The following RELN variants were observed in gnomAD, a reference collection of about 807,000 sequenced individuals.
RELN encodes the protein reelin.
In RELN, 108 loss-of-function variants were observed where a neutral mutation model predicts 427.6. The observed-to-expected ratio is 0.25, with a 90% CI of 0.22 to 0.30. RELN has a LOEUF of 0.30. Ranked by LOEUF, RELN falls within the 10% of genes least tolerant of loss-of-function variation. The probability of loss-of-function intolerance (pLI) is 1.00; values close to 1 mark genes in which losing one functional copy is unlikely to be tolerated. For synonymous variants in RELN, 1,524 were observed against 1,513.4 expected, an observed-to-expected ratio of 1.01 and a Z score of -0.16; for missense variants, 3,715 against 4,302.8, an observed-to-expected ratio of 0.86 and a Z score of 3.82.
chr7:103,595,911 C>G (rs1292886781), intron 25 of RELN, among the ~76,000 whole-genome samples: 2 of 152,112 alleles, frequency 1.3e-5, no homozygotes, highest in Non-Finnish European at 2.9e-5. Context: ...AACTCTTCAA[C>G]AGTCATTGCC....
intron 20 of RELN, among the ~76,000 whole-genome samples, chr7:103,619,081 C>T (rs1187346839): frequency 6.6e-6 from 1 of 151,756 alleles, no homozygotes; most frequent in Non-Finnish European, 1.5e-5. Flanking sequence ...TGCACTCCAG[C>T]CTGGGCGACA....
At position 103,896,340 on chromosome 7, in the gene RELN, A is replaced by T. The variant is rs76374375; in HGVS notation, c.337+20735T>A. Among the ~76,000 whole-genome samples, 8 of 152,228 alleles carry T rather than the reference A, an allele frequency of 5.3e-5. No homozygotes were observed. The East Asian group carries it at 1.5e-3, about 29-fold the overall frequency. Reference sequence around the variant, plus strand: ...CCAATAAAAGTGAAAATACATATTCACAAAGAGACTTGTACAAGAATGTTC... The same window carrying T: ...CCAATAAAAGTGAAAATACATATTCTCAAAGAGACTTGTACAAGAATGTTC... On this transcript the variant is annotated intron_variant, in intron 2 of 64. Coordinates refer to ENST00000428762, the MANE Select transcript of RELN (RefSeq NM_005045.4).
chr7:103,830,731 CT>C (rs1330553094), intron 3 of RELN, among the ~76,000 whole-genome samples: 15 of 151,998 alleles, frequency 9.9e-5, no homozygotes, highest in African/African-American at 3.6e-4. Context: ...CCCATGTTCA[CT>C]TTTAACTTCT....
At chr7:103,758,074 G>A (rs1791206653) in intron 4 of RELN, among the ~76,000 whole-genome samples, 1 of 152,160 alleles carries the variant, frequency 6.6e-6, no homozygotes. Flanking sequence ...TCTGTTAAGA[G>A]TTCCCTGTTA....
chr7:103,561,797 A>G lies in RELN; in HGVS notation c.5351+16T>C, dbSNP rs375210307. ...TTGCGTTACAAAGAAAGAAACTGTC[A>G]GTTTTATTAACTTACACACAGCGTC... On this transcript the variant is annotated intron_variant, in intron 35 of 64. Coordinates refer to ENST00000428762, the MANE Select transcript of RELN (RefSeq NM_005045.4). The G allele has an allele frequency of 1.1e-4, 175 of 1,613,844 alleles. 1 individual carries two copies. Among genetic ancestry groups the G allele is most frequent in the Non-Finnish European group, 1.4e-4 (167 of 1,179,948 alleles).
chr7:103,801,841 G>A (rs1792476997), intron 3 of RELN, among the ~76,000 whole-genome samples: 1 of 152,160 alleles, frequency 6.6e-6, no homozygotes, highest in African/African-American at 2.4e-5. Context: ...CTGGCACATA[G>A]TAAGTTCTCA....
At chr7:103,835,477 T>C (rs1475660572) in intron 2 of RELN, among the ~76,000 whole-genome samples, 1 of 152,178 alleles carries the variant, frequency 6.6e-6, no homozygotes, top group Admixed American at 6.5e-5. Context: ...TGTAGGTTCA[T>C]TGATTGTACC....
chr7:103,914,126 T>C (rs909823680), intron 2 of RELN, among the ~76,000 whole-genome samples: 1 of 152,208 alleles, frequency 6.6e-6, no homozygotes, highest in African/African-American at 2.4e-5. Flanking sequence ...AAAGTTACCA[T>C]AGGAAATGTC....
At chr7:103,799,936 A>C (rs207468350) in intron 3 of RELN, among the ~76,000 whole-genome samples, 2 of 152,196 alleles carry the variant, frequency 1.3e-5, no homozygotes, top group Non-Finnish European at 2.9e-5. Flanking sequence ...TTATCTCAAT[A>C]GATGCAGAAA....
At chr7:103,494,526 C>A (rs1003888195) in intron 57 of RELN, among the ~76,000 whole-genome samples, 1 of 143,712 alleles carries the variant, frequency 7.0e-6, no homozygotes, top group Non-Finnish European at 1.5e-5. Context: ...AAGTACATGC[C>A]ACCACGCCCA....
At chr7:103,737,840 G>C (rs13239238) in intron 6 of RELN, among the ~76,000 whole-genome samples, 41 of 151,906 alleles carry the variant, frequency 2.7e-4, no homozygotes, top group East Asian at 5.8e-4. Flanking sequence ...CCAATGCAAT[G>C]CCAATCATGG....
At chr7:103,825,440 AT>A (rs1793113786) in intron 3 of RELN, among the ~76,000 whole-genome samples, 1 of 152,198 alleles carries the variant, frequency 6.6e-6, no homozygotes, top group Non-Finnish European at 1.5e-5. Flanking sequence ...GCACTGGCAA[AT>A]AAAACTAAAA....
intron 3 of RELN, among the ~76,000 whole-genome samples, chr7:103,806,319 C>A (rs1792598101): frequency 6.6e-6 from 1 of 151,760 alleles, no homozygotes; most frequent in Non-Finnish European, 1.5e-5. Context: ...CCTCTAAGCA[C>A]TTTCTTTCTT....
chr7:103,759,990 C>CTTTTTTTTTTTTTTTTTTTTTTTTT (rs57019839), intron 4 of RELN, among the ~76,000 whole-genome samples: 1 of 64,914 alleles, frequency 1.5e-5, no homozygotes, highest in Non-Finnish European at 2.9e-5. Context: ...CACAGTCATA[C>CTTTTTTTTTTTTTTTTTTTTTTTTT]TTTTTTTTTT....
intron 64 of RELN, among the ~76,000 whole-genome samples, chr7:103,475,759 C>T (rs1395297911): frequency 3.3e-5 from 5 of 152,146 alleles, no homozygotes; most frequent in African/African-American, 1.2e-4. Flanking sequence ...TGAAAGTCTC[C>T]ATCTTTATAG....
intron 3 of RELN, among the ~76,000 whole-genome samples, chr7:103,821,880 A>C (rs1487518083): frequency 1.3e-5 from 2 of 152,184 alleles, no homozygotes. Flanking sequence ...GAATATGCTC[A>C]TGCTATTCAT....
chr7:103,665,240 C>T lies in RELN; in HGVS notation c.1290-3713G>A, dbSNP rs549800800. On this transcript the variant is annotated intron_variant, in intron 11 of 64. Transcript: ENST00000428762. ...CTGTCACATAACAATCCCCTATAAA[C>T]GTGAGTCTGTTTCTACAATTAACTT... Among the ~76,000 whole-genome samples, 102 of 152,124 alleles carry T rather than the reference C, an allele frequency of 6.7e-4. No homozygotes were observed. The South Asian group carries it at 0.016, about 23-fold the overall frequency.
chr7:103,595,273 T>C (rs1395044243), intron 25 of RELN, among the ~76,000 whole-genome samples: 2 of 152,308 alleles, frequency 1.3e-5, no homozygotes, highest in East Asian at 3.9e-4. Flanking sequence ...TTAAGCCAGT[T>C]TGGCACCATT....
At chr7:103,883,636 A>G (rs1186089016) in intron 2 of RELN, among the ~76,000 whole-genome samples, 1 of 152,210 alleles carries the variant, frequency 6.6e-6, no homozygotes, top group Non-Finnish European at 1.5e-5. Flanking sequence ...CTAAACACCA[A>G]TAAAAGACAA....
Sources: gnomAD v4.1 joint callset for allele counts (sites outside exome capture counted in the v4.1 genomes callset) on GRCh38, gnomAD v4.1.1 for gene constraint, MANE v1.5 for transcripts, NCBI Gene and HGNC (gene_info 2026-07-23, HGNC 2026-07-21) for gene names.